The following AJAP1 variants were observed in gnomAD, a reference collection of about 807,000 sequenced individuals.
AJAP1 encodes adherens junction-associated protein 1.
AJAP1 carries 5 observed loss-of-function variants against 35.0 expected under a neutral mutation model. That is an observed-to-expected ratio of 0.14 (90% CI 0.07 to 0.30). The LOEUF (loss-of-function observed/expected upper bound fraction) is 0.30. AJAP1 is among the 10% of genes least tolerant of loss of function. The pLI, the probability that AJAP1 is intolerant of heterozygous loss-of-function variation, is 1.00. For synonymous variants in AJAP1, 284 were observed against 249.3 expected, an observed-to-expected ratio of 1.14 and a Z score of -1.31; for missense variants, 586 against 571.0, an observed-to-expected ratio of 1.03 and a Z score of -0.27.
chr1:4,711,932 T>A lies in AJAP1; in HGVS notation c.62T>A (p.Leu21His). The A allele has an allele frequency of 6.5e-7, 1 of 1,533,838 alleles. No individual in the cohort carries two copies. Among genetic ancestry groups the A allele is most frequent in the African/African-American group, 1.4e-5 (1 of 69,538 alleles). Residue 21 changes from leucine (L) to histidine (H), a missense_variant, in exon 2 of 6, where the codon CTC becomes CAC. Transcript: ENST00000378191. ...SMSIRWPGRP[L>H]GSHAWILIAM... ...TCCATCCGCTGGCCGGGCCGCCCCC[T>A]CGGAAGCCATGCCTGGATACTGATA...
At chr1:4,744,551 T>G (rs1023680647) in intron 2 of AJAP1, among the ~76,000 whole-genome samples, 1 of 151,904 alleles carries the variant, frequency 6.6e-6, no homozygotes, top group Non-Finnish European at 1.5e-5. Context: ...CCATGCATGC[T>G]TCCCTCACAC....
chr1:4,769,743 A>C, intron 2 of AJAP1, 110 bp from the exon 3 acceptor site: 1 of 903,200 alleles, frequency 1.1e-6, no homozygotes, highest in Non-Finnish European at 1.8e-6. Flanking sequence ...TGCGGATGGG[A>C]CCTGGCATCC....
chr1:4,737,573 A>G (rs972314130), intron 2 of AJAP1, among the ~76,000 whole-genome samples: 1 of 151,186 alleles, frequency 6.6e-6, no homozygotes, highest in Non-Finnish European at 1.5e-5. Flanking sequence ...CAGGTCCCAG[A>G]CTCCTGAGGC....
intron 2 of AJAP1, among the ~76,000 whole-genome samples, chr1:4,740,398 T>TGAGTGTTTGATGGGGACAGAGTG (rs1641032680): frequency 2.7e-4 from 1 of 3,696 alleles, no homozygotes; most frequent in Non-Finnish European, 5.3e-4. Flanking sequence ...GGGACAGAGT[T>TGAGTGTTTGATGGGGACAGAGTG]TCAGTTTTGG....
chr1:4,761,504 T>C (rs1474901121), intron 2 of AJAP1, among the ~76,000 whole-genome samples: 1 of 152,264 alleles, frequency 6.6e-6, no homozygotes, highest in Non-Finnish European at 1.5e-5. Context: ...CAAGTCTCCC[T>C]GGACCATGAT....
intron 2 of AJAP1, among the ~76,000 whole-genome samples, chr1:4,742,183 C>T (rs1239845499): frequency 6.6e-6 from 1 of 152,068 alleles, no homozygotes; most frequent in Admixed American, 6.5e-5. Flanking sequence ...CAGGGAGTGA[C>T]TTTACCCTGA....
rs781039804 is a variant in AJAP1, at chr1:4,791,075, A to C, written c.*8590A>C. ...GGTCACCCTCCAGCTAAAATGATTTAAATGGAAAGGAGAATGACAGCAAAG... is the reference window on the plus strand; with the variant it reads ...GGTCACCCTCCAGCTAAAATGATTTCAATGGAAAGGAGAATGACAGCAAAG... On this transcript the variant is annotated 3_prime_UTR_variant, in exon 6 of 6. Transcript: ENST00000378191. 6.6e-6 allele frequency: 1 copy of C among 152,188 alleles called. No individual in the cohort carries two copies. The allele number at this position is 152,188 out of a possible 1,614,324, so 9.4% of individuals were successfully genotyped here. A position where few individuals can be genotyped will look rare whatever the true frequency, so the allele number is the denominator to read the frequency against.
At position 4,751,308 on chromosome 1, in the gene AJAP1, G is replaced by A. The variant is rs975640811; in HGVS notation, c.830-18545G>A. Among the ~76,000 whole-genome samples the A allele has an allele frequency of 7.2e-5, 11 of 152,158 alleles. No homozygotes were observed. The East Asian group carries it at 9.7e-4, about 13-fold the overall frequency. On this transcript the variant is annotated intron_variant, in intron 2 of 5. Transcript: ENST00000378191. ...CTGGTGGAGGTGGCCACTGACAAAC[G>A]TTCGAATTCCGCTCAGTTCCAGAAT...
intron 2 of AJAP1, among the ~76,000 whole-genome samples, chr1:4,749,335 T>G (rs891924650): frequency 6.6e-6 from 1 of 152,182 alleles, no homozygotes; most frequent in African/African-American, 2.4e-5. Flanking sequence ...GAAGTCACCT[T>G]GTCCCTGGAA....
At chr1:4,673,978 CA>C (rs1158461092) in intron 1 of AJAP1, among the ~76,000 whole-genome samples, 1 of 112,974 alleles carries the variant, frequency 8.9e-6, no homozygotes, top group Non-Finnish European at 1.7e-5. Flanking sequence ...TTCAGACAAA[CA>C]AATGTATTTT....
rs61765040 is a variant in AJAP1 at position 4,734,012 on chromosome 1, C to G, written c.829+21313C>G. On this transcript the variant is annotated intron_variant, in intron 2 of 5. Coordinates refer to ENST00000378191, the MANE Select transcript of AJAP1 (RefSeq NM_018836.4). This position sits in a 1 kb window ranked among gnomAD's most constrained non-coding sequence, Gnocchi z 4.3. ...TGTGCGTCGCGAGCAGGGCCCTTGCCGGAGCTCCAATTAGCGGCTTTTGTA... is the reference window on the plus strand; with the variant it reads ...TGTGCGTCGCGAGCAGGGCCCTTGCGGGAGCTCCAATTAGCGGCTTTTGTA... Among the ~76,000 whole-genome samples, 2 of 152,304 alleles carry G rather than the reference C, an allele frequency of 1.3e-5. No individual in the cohort carries two copies. The highest frequency in any genetic ancestry group is 6.5e-5 in the Admixed American group (1 of 15,296).
intron 1 of AJAP1, among the ~76,000 whole-genome samples, chr1:4,683,799 G>C (rs893806705): frequency 2.0e-5 from 3 of 152,188 alleles, no homozygotes; most frequent in Admixed American, 1.3e-4. Flanking sequence ...CAGGGGGCAA[G>C]GAAAGAACAT....
chr1:4,689,175 A>G (rs1639678337), intron 1 of AJAP1, among the ~76,000 whole-genome samples: 1 of 152,136 alleles, frequency 6.6e-6, no homozygotes, highest in African/African-American at 2.4e-5. Flanking sequence ...GTATAGGGAG[A>G]GAGAGAAACA....
chr1:4,759,232 C>G (rs936390210), intron 2 of AJAP1, among the ~76,000 whole-genome samples: 1 of 152,176 alleles, frequency 6.6e-6, no homozygotes, highest in Non-Finnish European at 1.5e-5. Context: ...CTGGATGGCA[C>G]ATCAGTCCTG....
intron 1 of AJAP1, among the ~76,000 whole-genome samples, chr1:4,699,624 A>G (rs942315218): frequency 2.0e-5 from 3 of 152,118 alleles, no homozygotes; most frequent in Admixed American, 6.5e-5. Flanking sequence ...CATTTTCCCA[A>G]TGTAGGAGAG....
chr1:4,724,198 C>T (rs2100287598), intron 2 of AJAP1, among the ~76,000 whole-genome samples: 1 of 152,278 alleles, frequency 6.6e-6, no homozygotes, highest in Middle Eastern at 3.4e-3. Context: ...CTGCGAATGC[C>T]AGGCGGAACC....
intron 2 of AJAP1, among the ~76,000 whole-genome samples, chr1:4,766,902 G>A (rs1641697758): frequency 6.6e-6 from 1 of 152,056 alleles, no homozygotes; most frequent in Admixed American, 6.5e-5. Context: ...GGGTGGAGAT[G>A]GGTTACATCG....
At chr1:4,781,771 G>C (rs771826677) in intron 5 of AJAP1, among the ~76,000 whole-genome samples, 2 of 152,230 alleles carry the variant, frequency 1.3e-5, no homozygotes, top group Non-Finnish European at 2.9e-5. Flanking sequence ...AGCTCACCTG[G>C]CCATGCCCGG....
chr1:4,773,516 T>G (rs1641884344), intron 4 of AJAP1, among the ~76,000 whole-genome samples: 1 of 152,252 alleles, frequency 6.6e-6, no homozygotes, highest in Non-Finnish European at 1.5e-5. Flanking sequence ...CGTTGCATTC[T>G]GCCATCTGTG....
Sources: gnomAD v4.1 joint callset for allele counts (sites outside exome capture counted in the v4.1 genomes callset) on GRCh38, gnomAD v4.1.1 for gene constraint, Gnocchi (gnomAD v3.1) non-coding constraint, MANE v1.5 for transcripts, NCBI Gene and HGNC (gene_info 2026-07-23, HGNC 2026-07-21) for gene names.